USP34: variants seen among roughly 807,000 people sequenced by gnomAD.
USP34 encodes the protein ubiquitin specific peptidase 34.
In USP34, 70 loss-of-function variants were observed where a neutral mutation model predicts 460.3. That is an observed-to-expected ratio of 0.15 (90% confidence interval 0.13 to 0.19). The LOEUF (loss-of-function observed/expected upper bound fraction) is 0.19. Ranked by LOEUF, USP34 falls within the 10% of genes least tolerant of loss-of-function variation. The probability of loss-of-function intolerance (pLI) is 1.00; values close to 1 mark genes in which losing one functional copy is unlikely to be tolerated. For synonymous variants in USP34, 1,647 were observed against 1,405.3 expected (o/e 1.17, Z -3.85); for missense variants, 3,985 against 4,236.2 (o/e 0.94, Z 1.65).
At chr2:61,344,822 C>T (rs767638941) in intron 15 of USP34, among the ~76,000 whole-genome samples, 1 of 151,996 alleles carries the variant, frequency 6.6e-6, no homozygotes. Flanking sequence ...TGAATTTAGG[C>T]CCCTGGGGGA....
At chr2:61,408,039 G>A (rs2694637) in intron 2 of USP34, among the ~76,000 whole-genome samples, 12 of 152,150 alleles carry the variant, frequency 7.9e-5, no homozygotes, top group South Asian at 6.2e-4. Context: ...CACTTGAACC[G>A]GGGAAACAAA....
chr2:61,370,466 A>G (rs1286131971), intron 9 of USP34, 32 bp downstream of exon 9: 5 of 1,610,930 alleles, frequency 3.1e-6, no homozygotes, highest in African/African-American at 2.7e-5. Flanking sequence ...CTCTATCAAT[A>G]GAACAGAGAA....
At chr2:61,252,985 T>C (rs535500527) in intron 48 of USP34, among the ~76,000 whole-genome samples, 1 of 152,312 alleles carries the variant, frequency 6.6e-6, no homozygotes, top group East Asian at 1.9e-4. Flanking sequence ...GAATGCTTTG[T>C]CAGTAGCATA....
intron 62 of USP34, among the ~76,000 whole-genome samples, chr2:61,224,603 T>G (rs1004294804): frequency 1.3e-5 from 2 of 152,204 alleles, no homozygotes; most frequent in African/African-American, 4.8e-5. Context: ...CACCATTTGG[T>G]TGCCACGAAG....
rs1348958546 is a variant in USP34, at chr2:61,452,173, CAAA to C, written c.43+18474_43+18476del. Reference sequence around the variant, plus strand: ...TGGGCGACAGAGCGAGACTCCGTCTCAAAAAAAAAAAAAAAGAAAGAAAAAGAC... The same window carrying C: ...TGGGCGACAGAGCGAGACTCCGTCTCAAAAAAAAAAAAGAAAGAAAAAGAC... On this transcript the variant is annotated intron_variant, in intron 1 of 79. Transcript: ENST00000398571. Among the ~76,000 whole-genome samples, 16 of 68,752 alleles carry C rather than the reference CAAA, an allele frequency of 2.3e-4. No homozygotes were observed. The East Asian group carries it at 2.7e-3, about 12-fold the overall frequency. 45.1% of individuals were successfully genotyped at this position (68,752 alleles called of 152,430 possible). A position where few individuals can be genotyped will look rare whatever the true frequency, so the allele number is the denominator to read the frequency against.
intron 32 of USP34, among the ~76,000 whole-genome samples, chr2:61,293,835 G>A (rs1367108664): frequency 6.6e-6 from 1 of 151,864 alleles, no homozygotes; most frequent in Non-Finnish European, 1.5e-5. Flanking sequence ...GACAACATAG[G>A]AAGACCTCAT....
At position 61,204,498 on chromosome 2, in the gene USP34, T is replaced by C; in HGVS notation, c.9258A>G (p.Pro3086=). ...GTACTGTGCTAGATAAATACGTACTTGGTATATTACTGTGATGGTAAGTAC... is the reference window on the plus strand; with the variant it reads ...GTACTGTGCTAGATAAATACGTACTCGGTATATTACTGTGATGGTAAGTAC... ...NHCTYHHSNI[P]MSLGPYFPCR... Residue 3086 remains proline, a splice_region_variant and synonymous_variant, in exon 73 of 80, where the codon CCA becomes CCG. Coordinates refer to ENST00000398571, the MANE Select transcript of USP34 (RefSeq NM_014709.4). The C allele has an allele frequency of 6.2e-7, 1 of 1,613,750 alleles. No individual in the cohort carries two copies. Among genetic ancestry groups the C allele is most frequent in the Non-Finnish European group, 8.5e-7 (1 of 1,179,638 alleles).
intron 1 of USP34, among the ~76,000 whole-genome samples, chr2:61,427,782 C>T (rs1399619063): frequency 2.0e-5 from 3 of 151,916 alleles, no homozygotes; most frequent in East Asian, 1.9e-4. Context: ...TGAAAACACC[C>T]AAGTCAGGAG....
intron 68 of USP34, among the ~76,000 whole-genome samples, chr2:61,212,838 C>G (rs574328063): frequency 1.3e-5 from 2 of 152,114 alleles, no homozygotes; most frequent in South Asian, 2.1e-4. Flanking sequence ...ATATTTAATT[C>G]TGGACATCAC....
At chr2:61,452,830 A>G (rs529101865) in intron 1 of USP34, among the ~76,000 whole-genome samples, 14 of 150,926 alleles carry the variant, frequency 9.3e-5, no homozygotes, top group African/African-American at 3.4e-4. Context: ...GGCTGCAGTC[A>G]GTCTTGATCA....
At chr2:61,250,437 T>A (rs1688545372) in intron 48 of USP34, 1 of 156,174 alleles carries the variant, frequency 6.4e-6, no homozygotes, top group African/African-American at 2.4e-5. Flanking sequence ...CTCTCCTGTT[T>A]ATAGATTAAA....
chr2:61,418,934 A>G (rs1288574145), intron 2 of USP34, among the ~76,000 whole-genome samples: 1 of 152,204 alleles, frequency 6.6e-6, no homozygotes, highest in African/African-American at 2.4e-5. Flanking sequence ...TACATCTTTT[A>G]ATTTATATTT....
At chr2:61,378,887 AGAGT>A (rs1465775669) in intron 7 of USP34, among the ~76,000 whole-genome samples, 5 of 132,714 alleles carry the variant, frequency 3.8e-5, no homozygotes, top group Admixed American at 2.6e-4. Flanking sequence ...CCTGGGCGAC[AGAGT>A]GAGAGTCCAT....
At chr2:61,365,651 A>G (rs1051332133) in intron 10 of USP34, among the ~76,000 whole-genome samples, 1 of 152,188 alleles carries the variant, frequency 6.6e-6, no homozygotes, top group Non-Finnish European at 1.5e-5. Flanking sequence ...GGAGTTGAGG[A>G]AAAAGGATTT....
At chr2:61,259,854 G>A (rs1688825471) in intron 43 of USP34, 78 bp from the exon 44 acceptor site, 4 of 1,316,436 alleles carry the variant, frequency 3.0e-6, no homozygotes, top group Non-Finnish European at 4.3e-6. Context: ...AGAAAGTCTT[G>A]CAATGTACAC....
intron 1 of USP34, among the ~76,000 whole-genome samples, chr2:61,440,519 T>A (rs975174459): frequency 1.2e-4 from 17 of 136,838 alleles, no homozygotes; most frequent in Admixed American, 1.0e-3. Context: ...CCTTTTTAAA[T>A]TTTTTTTTTT....
At chr2:61,431,808 C>T (rs916800333) in intron 1 of USP34, among the ~76,000 whole-genome samples, 2 of 151,980 alleles carry the variant, frequency 1.3e-5, no homozygotes, top group African/African-American at 2.4e-5. Context: ...GAGCTGAAAT[C>T]GCACCACTGC....
chr2:61,338,433 G>GT (rs375277934), intron 18 of USP34, among the ~76,000 whole-genome samples: 24 of 152,260 alleles, frequency 1.6e-4, no homozygotes, highest in African/African-American at 5.8e-4. Context: ...ACTGCTCAAC[G>GT]TATTGCCCTT....
chr2:61,190,905 G>C (rs1686620675), intron 76 of USP34: 1 of 357,156 alleles, frequency 2.8e-6, no homozygotes, highest in Non-Finnish European at 5.1e-6. Flanking sequence ...TGCCGAAACT[G>C]AACAAATGTT....
Sources: allele counts gnomAD v4.1 joint callset (sites outside exome capture counted in the v4.1 genomes callset), GRCh38; gene constraint gnomAD v4.1.1; transcripts MANE v1.5; gene names NCBI Gene and HGNC (gene_info 2026-07-23, HGNC 2026-07-21).